The following OR8B3 variants were observed in gnomAD, a reference collection of about 807,000 sequenced individuals.
OR8B3 encodes the protein olfactory receptor 8B3.
For synonymous variants in OR8B3, 102 were observed against 135.4 expected, an observed-to-expected ratio of 0.75 and a Z score of 1.71; for missense variants, 278 against 377.6, an observed-to-expected ratio of 0.74 and a Z score of 2.19.
At chr11:124,407,688 A>T in the OR8B3 span, among the ~76,000 whole-genome samples, 1 of 152,160 alleles carries the variant, frequency 6.6e-6, no homozygotes, top group Non-Finnish European at 1.5e-5. Context: ...TGTACATGAA[A>T]TACAAATTTT....
chr11:124,401,982 T>C (rs530429793), upstream of OR8B3, among the ~76,000 whole-genome samples: 120 of 152,324 alleles, frequency 7.9e-4, no homozygotes, highest in African/African-American at 2.9e-3. Flanking sequence ...AAGTGCCTCT[T>C]TGGTCAGGCT....
At chr11:124,409,570 A>G in the OR8B3 span, among the ~76,000 whole-genome samples, 1 of 152,268 alleles carries the variant, frequency 6.6e-6, no homozygotes, top group East Asian at 1.9e-4. Context: ...TGTTCAGAGA[A>G]TCTTCATACT....
chr11:124,404,393 T>A, the OR8B3 span: 1 of 152,146 alleles, frequency 6.6e-6, no homozygotes, highest in African/African-American at 2.4e-5. Context: ...CGGAGAAAAT[T>A]TTTCTTGTGA....
intron 1 of OR8B3, among the ~76,000 whole-genome samples, chr11:124,398,048 T>G (rs1217975149): frequency 1.3e-5 from 2 of 152,130 alleles, no homozygotes; most frequent in Non-Finnish European, 2.9e-5. Flanking sequence ...TTCAGTTTCC[T>G]TGTGATGACC....
chr11:124,404,039 T>C, the OR8B3 span, among the ~76,000 whole-genome samples: 3,955 of 151,342 alleles, frequency 0.026, 178 homozygotes, highest in African/African-American at 0.09. Flanking sequence ...GGCAGGGAGG[T>C]TGCAGTGAGC....
chr11:124,399,183 T>A (rs758970970), upstream of OR8B3, among the ~76,000 whole-genome samples: 1 of 152,210 alleles, frequency 6.6e-6, no homozygotes, highest in Non-Finnish European at 1.5e-5. Flanking sequence ...TGTATAAAGA[T>A]GTAAATGTAA....
At chr11:124,403,346 A>G (rs1227243996), upstream of OR8B3, among the ~76,000 whole-genome samples, 1 of 151,354 alleles carries the variant, frequency 6.6e-6, no homozygotes, top group Non-Finnish European at 1.5e-5. Context: ...TGTTGGGTAC[A>G]CCTCCCAGAC....
chr11:124,397,150 A>G lies in OR8B3; in HGVS notation c.202T>C (p.Phe68Leu). 6.2e-7 allele frequency: 1 copy of G among 1,612,746 alleles called. No homozygotes were observed. Among genetic ancestry groups the G allele is most frequent in the Non-Finnish European group, 8.5e-7 (1 of 1,179,438 alleles). ...PMYYFLFNLS[F>L]IDLCYSSVFT... Reference sequence around the variant, plus strand: ...ACAGAGGAGTAACAGAGATCAATGAAGGAGAGATTGAAGAGGAAATAGTAC... The same window carrying G: ...ACAGAGGAGTAACAGAGATCAATGAGGGAGAGATTGAAGAGGAAATAGTAC... Residue 68 changes from phenylalanine (F) to leucine (L), a missense_variant, in exon 2 of 2, where the codon TTC becomes CTC. Transcript: ENST00000641139.
In OR8B3 at chr11:124,396,981, A is replaced by C. The variant is rs183842912; in HGVS notation, c.371T>G (p.Val124Gly). Residue 124 changes from valine to glycine, a missense_variant, in exon 2 of 2, where the codon GTG becomes GGG. By Grantham distance (109) the Val-to-Gly change is moderately radical. Transcript: ENST00000641139. ...ATACAGCAATGGATTACAGATGGCCACATAGCGATCATATGCCATTGAGGT... is the reference window on the plus strand; with the variant it reads ...ATACAGCAATGGATTACAGATGGCCCCATAGCGATCATATGCCATTGAGGT... ...MLTSMAYDRY[V>G]AICNPLLYKV... The C allele has an allele frequency of 1.1e-4, 181 of 1,613,804 alleles. 2 individuals are homozygous for C. The East Asian group carries it at 3.8e-3, about 34-fold the overall frequency.
upstream of OR8B3, among the ~76,000 whole-genome samples, chr11:124,401,533 TAA>T (rs1010229631): frequency 2.6e-5 from 4 of 152,220 alleles, no homozygotes; most frequent in African/African-American, 9.6e-5. Context: ...TTTAAAAATA[TAA>T]GAGTTTTTTT....
At chr11:124,404,040 T>G in the OR8B3 span, among the ~76,000 whole-genome samples, 1 of 152,040 alleles carries the variant, frequency 6.6e-6, no homozygotes, top group Admixed American at 6.6e-5. Context: ...GCAGGGAGGT[T>G]GCAGTGAGCA....
At chr11:124,403,436 C>T (rs511581), upstream of OR8B3, among the ~76,000 whole-genome samples, 48,541 of 150,338 alleles carry the variant, frequency 0.32, 7,665 homozygotes, top group African/African-American at 0.39. Context: ...ACTTCTCAGA[C>T]GGGGCGGCCG....
At chr11:124,405,385 C>G in the OR8B3 span, among the ~76,000 whole-genome samples, 1 of 152,200 alleles carries the variant, frequency 6.6e-6, no homozygotes, top group East Asian at 1.9e-4. Flanking sequence ...AGCACTTCCT[C>G]CCTCCAACCA....
rs1367745366 is a variant in OR8B3 at position 124,395,929 on chromosome 11, A to T, written c.*481T>A. 6.5e-6 allele frequency: 1 copy of T among 153,524 alleles called. No individual in the cohort carries two copies. Among genetic ancestry groups the T allele is most frequent in the Non-Finnish European group, 1.4e-5 (1 of 69,000 alleles). 9.5% of individuals were successfully genotyped at this position (153,524 alleles called of 1,614,324 possible). A position where few individuals can be genotyped will look rare whatever the true frequency, so the allele number is the denominator to read the frequency against. Reference sequence around the variant, plus strand: ...TGGTGACAATATAGAACAAAAGGACAAGATCAAGGGGTGCTCATTCTGCTT... The same window carrying T: ...TGGTGACAATATAGAACAAAAGGACTAGATCAAGGGGTGCTCATTCTGCTT... On this transcript the variant is annotated 3_prime_UTR_variant, in exon 2 of 2. Transcript: ENST00000641139.
upstream of OR8B3, among the ~76,000 whole-genome samples, chr11:124,401,917 CA>C (rs2134212749): frequency 6.6e-6 from 1 of 152,330 alleles, no homozygotes; most frequent in East Asian, 1.9e-4. Flanking sequence ...CTCTTGTCCA[CA>C]ATGGTCTCTG....
chr11:124,396,358 A>G lies in OR8B3; in HGVS notation c.*52T>C, dbSNP rs1860867103. On this transcript the variant is annotated 3_prime_UTR_variant, in exon 2 of 2. Coordinates refer to ENST00000641139, the MANE Select transcript of OR8B3 (RefSeq NM_001005467.2). ...ACAACAAAATCTCTTCATGGAACAC[A>G]CTAATAAAAATTTAAAGTTCTTCAA... The G allele has an allele frequency of 7.5e-6, 11 of 1,458,922 alleles. No individual in the cohort carries two copies. The highest frequency in any genetic ancestry group is 1.0e-5 in the Non-Finnish European group (11 of 1,080,562). The allele number at this position is 1,458,922 out of a possible 1,614,324, so 90.4% of individuals were successfully genotyped here.
chr11:124,406,007 A>C, the OR8B3 span, among the ~76,000 whole-genome samples: 4 of 152,218 alleles, frequency 2.6e-5, no homozygotes, highest in African/African-American at 7.2e-5. Flanking sequence ...ACAGTGCTAC[A>C]AAAGGAAAGT....
chr11:124,407,702 G>A, the OR8B3 span, among the ~76,000 whole-genome samples: 3 of 151,948 alleles, frequency 2.0e-5, no homozygotes, highest in African/African-American at 4.8e-5. Context: ...AAATTTTATA[G>A]AAATTGCCTG....
At chr11:124,402,881 G>T (rs949641236), upstream of OR8B3, among the ~76,000 whole-genome samples, 1 of 151,832 alleles carries the variant, frequency 6.6e-6, no homozygotes, top group African/African-American at 2.4e-5. Context: ...TCGCAGATGG[G>T]GATTTGGCAG....
Sources: gnomAD v4.1 joint callset for allele counts (sites outside exome capture counted in the v4.1 genomes callset) on GRCh38, gnomAD v4.1.1 for gene constraint, MANE v1.5 for transcripts, NCBI Gene and HGNC (gene_info 2026-07-23, HGNC 2026-07-21) for gene names.